The following FERMT1 variants were observed in gnomAD, a reference collection of about 807,000 sequenced individuals.
FERMT1 encodes FERM domain containing kindlin 1, also known as fermitin family homolog 1.
FERMT1 carries 60 observed loss-of-function variants against 85.3 expected under a neutral mutation model. That is an observed-to-expected ratio of 0.70 (90% CI 0.57 to 0.87). FERMT1 has a LOEUF of 0.87. Among genes scored for constraint, FERMT1 ranks in the 40% least tolerant of loss-of-function variants. The probability of loss-of-function intolerance (pLI) is 0.00; values close to 1 mark genes in which losing one functional copy is unlikely to be tolerated. For missense variants in FERMT1, 701 were observed against 818.9 expected (o/e 0.86, Z 1.76); for synonymous variants, 275 against 301.1 (o/e 0.91, Z 0.90).
chr20:6,111,457 C>A (rs1982947472), intron 4 of FERMT1, among the ~76,000 whole-genome samples: 1 of 152,162 alleles, frequency 6.6e-6, no homozygotes, highest in Non-Finnish European at 1.5e-5. Context: ...CATGGCAAAA[C>A]CCTGTCTCTA....
chr20:6,078,557 C>T (rs188046556), intron 14 of FERMT1, among the ~76,000 whole-genome samples: 1 of 152,126 alleles, frequency 6.6e-6, no homozygotes, highest in Admixed American at 6.5e-5. Context: ...TCACTGTAAC[C>T]TCGAACCTCA....
Position 6,076,868 on chromosome 20 carries a change from G to A in FERMT1, c.*305C>T, listed in dbSNP as rs754192569. The A allele has an allele frequency of 6.9e-5, 32 of 463,488 alleles. No individual in the cohort carries two copies. Among genetic ancestry groups the A allele is most frequent in the Non-Finnish European group, 1.1e-4 (28 of 251,816 alleles). The allele number at this position is 463,488 out of a possible 1,614,324, so 28.7% of individuals were successfully genotyped here. A position where few individuals can be genotyped will look rare whatever the true frequency, so the allele number is the denominator to read the frequency against. On this transcript the variant is annotated 3_prime_UTR_variant, in exon 15 of 15. Coordinates refer to ENST00000217289, the MANE Select transcript of FERMT1 (RefSeq NM_017671.5). The stretch of plus-strand genomic sequence containing the variant: ...ATAACTTGTAGCCATACACCTGGCA[G>A]GTTCTGCAAGTCAGAGAACTGTAAC...
chr20:6,093,616 C>T (rs1982423378), intron 9 of FERMT1, among the ~76,000 whole-genome samples: 1 of 152,132 alleles, frequency 6.6e-6, no homozygotes, highest in African/African-American at 2.4e-5. Context: ...CTGATTATAA[C>T]AATATGAGTG....
intron 5 of FERMT1, 127 bp from the exon 6 acceptor site, chr20:6,107,761 TTGAG>T (rs569129679): frequency 1.7e-5 from 10 of 588,926 alleles, no homozygotes; most frequent in Non-Finnish European, 3.1e-5. Flanking sequence ...GTAATACAGA[TTGAG>T]TATCACTAAT....
chr20:6,094,977 A>G lies in FERMT1; in HGVS notation c.1101T>C (p.Thr367=), dbSNP rs749810209. ...GKADSLLEDI[T]DIPKLADNLK... Reference sequence around the variant, plus strand: ...GATTATCTGCAAGTTTAGGGATATCAGTAATGTCCTCCTAAGAAAAAACAA... The same window carrying G: ...GATTATCTGCAAGTTTAGGGATATCGGTAATGTCCTCCTAAGAAAAAACAA... The change falls in exon 9 of 15, where the codon ACT becomes ACC. Residue 367 remains threonine (T), a synonymous_variant. Transcript: ENST00000217289. 6.5e-7 allele frequency: 1 copy of G among 1,540,464 alleles called. No homozygotes were observed.
chr20:6,089,641 C>T lies in FERMT1; in HGVS notation c.1140-552G>A, dbSNP rs530109022. Among the ~76,000 whole-genome samples, 3 of 152,324 alleles carry T rather than the reference C, an allele frequency of 2.0e-5. No homozygotes were observed. In the South Asian group the frequency reaches 6.2e-4, roughly 32 times the overall value. ...ACATGAGCAGCATTTTCTGTAGTTTCCTCTTCACCCTTAAGAGAAACTATG... is the reference window on the plus strand; with the variant it reads ...ACATGAGCAGCATTTTCTGTAGTTTTCTCTTCACCCTTAAGAGAAACTATG... On this transcript the variant is annotated intron_variant, in intron 9 of 14. Transcript: ENST00000217289.
chr20:6,107,681 T>C, intron 5 of FERMT1, 47 bp from the exon 6 acceptor site: 1 of 920,134 alleles, frequency 1.1e-6, no homozygotes, highest in South Asian at 1.4e-5. Context: ...ATTTTACATA[T>C]ATATCCATTA....
Position 6,077,013 on chromosome 20 carries a change from G to C in FERMT1, c.*160C>G, listed in dbSNP as rs1981843625. 2 of 739,638 alleles carry C rather than the reference G, an allele frequency of 2.7e-6. No individual in the cohort carries two copies. The highest frequency in any genetic ancestry group is 2.0e-5 in the Admixed American group (1 of 48,842). The allele number at this position is 739,638 out of a possible 1,614,324, so 45.8% of individuals were successfully genotyped here. ...TAGCACAGGGCAAAGTAAGGAAAGG[G>C]ATGTGCCAGCAGTGGGTTTGAATGA... On this transcript the variant is annotated 3_prime_UTR_variant, in exon 15 of 15. Coordinates refer to ENST00000217289, the MANE Select transcript of FERMT1 (RefSeq NM_017671.5).
intron 13 of FERMT1, among the ~76,000 whole-genome samples, chr20:6,083,659 C>G (rs1022282689): frequency 4.8e-5 from 6 of 125,692 alleles, no homozygotes; most frequent in African/African-American, 1.2e-4. Context: ...TGAGACACCC[C>G]CCCCCCCGGC....
intron 14 of FERMT1, among the ~76,000 whole-genome samples, chr20:6,078,646 GT>G (rs71867735): frequency 0.012 from 1,362 of 117,336 alleles, 20 homozygotes; most frequent in South Asian, 0.06. Flanking sequence ...TTTTTTTTTT[GT>G]TTTTTTTTTT....
Position 6,107,576 on chromosome 20 carries a change from G to C in FERMT1, c.805C>G (p.Leu269Val). 1 of 1,613,182 alleles carries C rather than the reference G, an allele frequency of 6.2e-7. No individual in the cohort carries two copies. Among genetic ancestry groups the C allele is most frequent in the Non-Finnish European group, 8.5e-7 (1 of 1,179,280 alleles). Reference sequence around the variant, plus strand: ...AAAGAATAATATTTAAATCGTAAGAGCAGCTGCTCATCCTCTTGGATGCCT... The same window carrying C: ...AAAGAATAATATTTAAATCGTAAGACCAGCTGCTCATCCTCTTGGATGCCT... ...EQGIQEDEQLLLRFKYYSFFD... is the reference protein window; with the variant it reads ...EQGIQEDEQLVLRFKYYSFFD... Residue 269 changes from leucine to valine, a missense_variant, in exon 6 of 15, where the codon CTC (leucine) becomes GTC (valine). By Grantham distance (32) the Leu-to-Val change is conservative (BLOSUM62 1). Coordinates refer to ENST00000217289, the MANE Select transcript of FERMT1 (RefSeq NM_017671.5).
At chr20:6,087,648 T>A (rs770652009) in intron 11 of FERMT1, 129 bp downstream of exon 11, 3 of 725,590 alleles carry the variant, frequency 4.1e-6, no homozygotes, top group Non-Finnish European at 7.6e-6. Context: ...TTTGTTACAC[T>A]GTGATTGTTT....
At position 6,076,856 on chromosome 20, in the gene FERMT1, A is replaced by C. The variant is rs1981837790; in HGVS notation, c.*317T>G. ...ATCAGCACGAGGATAACTTGTAGCC[A>C]TACACCTGGCAGGTTCTGCAAGTCA... On this transcript the variant is annotated 3_prime_UTR_variant, in exon 15 of 15. Transcript: ENST00000217289. 3 of 446,570 alleles carry C rather than the reference A, an allele frequency of 6.7e-6. No individual in the cohort carries two copies. The highest frequency in any genetic ancestry group is 1.2e-5 in the Non-Finnish European group (3 of 241,316). The allele number at this position is 446,570 out of a possible 1,614,324, so 27.7% of individuals were successfully genotyped here.
In FERMT1 at chr20:6,084,060, G is replaced by T; in HGVS notation, c.1698C>A (p.Gly566=). The part of the protein sequence containing the change: ...IQAWQSLPEF[G]LTYYLVRFKG... ...ATCACCTGACAAGGTAGTAGGTGAG[G>T]CCAAACTCAGGCAGTGACTGCCACG... The change falls in exon 13 of 15, where the codon GGC becomes GGA. Residue 566 remains glycine, a synonymous_variant. Transcript: ENST00000217289. 1 of 1,614,126 alleles carries T rather than the reference G, an allele frequency of 6.2e-7. No homozygotes were observed. The highest frequency in any genetic ancestry group is 1.1e-5 in the South Asian group (1 of 91,046).
chr20:6,112,580 A>C lies in FERMT1; in HGVS notation c.429T>G (p.Gly143=), dbSNP rs1274155602. 6.2e-7 allele frequency: 1 copy of C among 1,601,206 alleles called. No individual in the cohort carries two copies. The highest frequency in any genetic ancestry group is 2.2e-5 in the East Asian group (1 of 44,748). ...TTTTCTTCTTCTTCTTAAAATAGTCACCAGACGGCTTTAACAAGGAAAGCT... is the reference window on the plus strand; with the variant it reads ...TTTTCTTCTTCTTCTTAAAATAGTCCCCAGACGGCTTTAACAAGGAAAGCT... ...SEELSLLKPS[G]DYFKKKKKKD... The change falls in exon 4 of 15, where the codon GGT becomes GGG. Residue 143 remains glycine, a synonymous_variant. Coordinates refer to ENST00000217289, the MANE Select transcript of FERMT1 (RefSeq NM_017671.5).
Position 6,084,181 on chromosome 20 carries a change from A to G in FERMT1, c.1594-17T>C, listed in dbSNP as rs1176276224. 6.2e-7 allele frequency: 1 copy of G among 1,606,224 alleles called. No individual in the cohort carries two copies. ...GGCGGCCAGCTGAACAGAAACAGAC[A>G]TCAACCTCTCTTCACATGCACCGGC... On this transcript the variant is annotated splice_polypyrimidine_tract_variant and intron_variant, in intron 12 of 14. Transcript: ENST00000217289.
At chr20:6,100,726 C>T (rs1982639180) in intron 6 of FERMT1, among the ~76,000 whole-genome samples, 1 of 152,074 alleles carries the variant, frequency 6.6e-6, no homozygotes, top group South Asian at 2.1e-4. Flanking sequence ...CTAAGCAAGA[C>T]AAGAGGCCTA....
chr20:6,076,839 G>A lies in FERMT1; in HGVS notation c.*334C>T, dbSNP rs1272556466. The A allele has an allele frequency of 2.4e-6, 1 of 411,866 alleles. No homozygotes were observed. Among genetic ancestry groups the A allele is most frequent in the Non-Finnish European group, 4.5e-6 (1 of 220,054 alleles). The allele number at this position is 411,866 out of a possible 1,614,324, so 25.5% of individuals were successfully genotyped here. A position where few individuals can be genotyped will look rare whatever the true frequency, so the allele number is the denominator to read the frequency against. On this transcript the variant is annotated 3_prime_UTR_variant, in exon 15 of 15. Coordinates refer to ENST00000217289, the MANE Select transcript of FERMT1 (RefSeq NM_017671.5). ...ACTTAGTAATGAGACAGATCAGCACGAGGATAACTTGTAGCCATACACCTG... is the reference window on the plus strand; with the variant it reads ...ACTTAGTAATGAGACAGATCAGCACAAGGATAACTTGTAGCCATACACCTG...
chr20:6,077,453 CA>C, intron 14 of FERMT1, 107 bp from the exon 15 acceptor site: 1 of 1,004,498 alleles, frequency 1.0e-6, no homozygotes. Context: ...AGGTGGATAA[CA>C]GATGGATATC....
Sources: gnomAD v4.1 joint callset for allele counts (sites outside exome capture counted in the v4.1 genomes callset) on GRCh38, gnomAD v4.1.1 for gene constraint, MANE v1.5 for transcripts, NCBI Gene and HGNC (gene_info 2026-07-23, HGNC 2026-07-21) for gene names.